Variants in SLC11A2 observed in about 807,000 individuals in gnomAD.
The protein encoded by SLC11A2 is natural resistance-associated macrophage protein 2.
In SLC11A2, 38 loss-of-function variants were observed where a neutral mutation model predicts 68.0. The ratio of observed to expected loss-of-function variants is 0.56; its 90% confidence interval spans 0.43 to 0.73. SLC11A2 has a LOEUF of 0.73. Among genes scored for constraint, SLC11A2 ranks in the 30% least tolerant of loss-of-function variants. SLC11A2 has a pLI of 0.00. For missense variants in SLC11A2, 517 were observed against 690.5 expected (o/e 0.75, Z 2.82); for synonymous variants, 242 against 250.6 (o/e 0.97, Z 0.32).
In SLC11A2 at chr12:50,991,580, C is replaced by T. The variant is rs768733470; in HGVS notation, c.1421+19G>A. 5.0e-5 allele frequency: 80 copies of T among 1,606,778 alleles called. No homozygotes were observed. In the South Asian group the frequency reaches 7.7e-4, roughly 16 times the overall value. Reference sequence around the variant, plus strand: ...CCCATATCAGCATCCCCTTTGGGAACGAAGAGGAGTACACTCACAGTCCAT... The same window carrying T: ...CCCATATCAGCATCCCCTTTGGGAATGAAGAGGAGTACACTCACAGTCCAT... On this transcript the variant is annotated intron_variant, in intron 14 of 15. Coordinates refer to ENST00000262052, the MANE Select transcript of SLC11A2 (RefSeq NM_000617.3).
downstream of SLC11A2, among the ~76,000 whole-genome samples, chr12:50,974,895 G>A (rs1260975360): frequency 1.3e-5 from 2 of 152,114 alleles, no homozygotes; most frequent in African/African-American, 2.4e-5. Context: ...GACAAAGAAG[G>A]CCATTACATA....
chr12:51,011,100 T>C (rs1156809004), intron 1 of SLC11A2, among the ~76,000 whole-genome samples: 2 of 150,964 alleles, frequency 1.3e-5, no homozygotes, highest in Non-Finnish European at 2.9e-5. Context: ...GAACAGGAGG[T>C]ATTTTAGTGA....
At chr12:50,959,812 T>TA in the SLC11A2 span, among the ~76,000 whole-genome samples, 5 of 152,034 alleles carry the variant, frequency 3.3e-5, no homozygotes, top group African/African-American at 1.2e-4. Flanking sequence ...CACGCCCGGC[T>TA]AATTTTTTTG....
downstream of SLC11A2, among the ~76,000 whole-genome samples, chr12:50,984,139 AAAAAG>A (rs796874577): frequency 2.0e-3 from 308 of 151,290 alleles, 1 homozygote; most frequent in African/African-American, 7.0e-3. Context: ...AGAAAAAAAA[AAAAAG>A]AAAATGCCAA....
Position 51,026,356 on chromosome 12 carries a change from C to G in SLC11A2, c.-85G>C. 7.8e-7 allele frequency: 1 copy of G among 1,282,394 alleles called. No homozygotes were observed. Among genetic ancestry groups the G allele is most frequent in the South Asian group, 1.2e-5 (1 of 80,690 alleles). 79.4% of individuals were successfully genotyped at this position (1,282,394 alleles called of 1,614,324 possible). ...TGACACGCCGCCCCCGCGCCCAGGG[C>G]TCCATATTCCGGGAGCCAGCGCCAC... is the stretch of plus-strand genomic sequence containing the variant. On this transcript the variant is annotated 5_prime_UTR_variant, in exon 1 of 16. Transcript: ENST00000262052.
chr12:50,980,916 A>G (rs1303032370), downstream of SLC11A2: 1 of 152,236 alleles, frequency 6.6e-6, no homozygotes, highest in Admixed American at 6.5e-5. Context: ...TGAATGCCAG[A>G]ATGAGCTGAG....
At position 50,987,510 on chromosome 12, in the gene SLC11A2, G is replaced by T. The variant is rs1308186229; in HGVS notation, c.*815C>A. ...CTGTTTCTATCACCACCCTCCTGGA[G>T]AAAGAAAGTTAAGGTTTTACAACCA... On this transcript the variant is annotated 3_prime_UTR_variant, in exon 16 of 16. Transcript: ENST00000262052. 7.8e-7 allele frequency: 1 copy of T among 1,287,142 alleles called. No individual in the cohort carries two copies. The highest frequency in any genetic ancestry group is 2.3e-5 in the Admixed American group (1 of 43,544). The allele number at this position is 1,287,142 out of a possible 1,614,324, so 79.7% of individuals were successfully genotyped here. A position where few individuals can be genotyped will look rare whatever the true frequency, so the allele number is the denominator to read the frequency against.
the SLC11A2 span, among the ~76,000 whole-genome samples, chr12:50,968,443 G>A: frequency 1.3e-5 from 2 of 152,056 alleles, no homozygotes; most frequent in Non-Finnish European, 2.9e-5. Flanking sequence ...CTGGCGTGCA[G>A]TGGCGTGATC....
At chr12:50,996,790 G>A in intron 9 of SLC11A2, 27 bp downstream of exon 9, 1 of 1,611,134 alleles carries the variant, frequency 6.2e-7, no homozygotes, top group Non-Finnish European at 8.5e-7. Context: ...CTGTCTAGGA[G>A]GTGAAGGAGA....
At position 50,986,721 on chromosome 12, in the gene SLC11A2, T is replaced by A; in HGVS notation, c.*1604A>T. The A allele has an allele frequency of 3.9e-6, 5 of 1,287,112 alleles. No individual in the cohort carries two copies. The highest frequency in any genetic ancestry group is 5.1e-6 in the Non-Finnish European group (5 of 988,650). 79.7% of individuals were successfully genotyped at this position (1,287,112 alleles called of 1,614,324 possible). On this transcript the variant is annotated 3_prime_UTR_variant, in exon 16 of 16. Coordinates refer to ENST00000262052, the MANE Select transcript of SLC11A2 (RefSeq NM_000617.3). ...AGAGGCAGATATGAAGAGGAATGGT[T>A]AGGGGAATTGTCATTCATAACTCTG...
chr12:50,986,251 T>C lies in SLC11A2; in HGVS notation c.*2074A>G. ...TTCCACATAAACACACTGTCAAAAC[T>C]CACTGGATATGCTGGAATTGGAGGA... On this transcript the variant is annotated 3_prime_UTR_variant, in exon 16 of 16. Transcript: ENST00000262052. 7.8e-7 allele frequency: 1 copy of C among 1,285,084 alleles called. No individual in the cohort carries two copies. Among genetic ancestry groups the C allele is most frequent in the Non-Finnish European group, 1.0e-6 (1 of 986,716 alleles). The allele number at this position is 1,285,084 out of a possible 1,614,324, so 79.6% of individuals were successfully genotyped here. A position where few individuals can be genotyped will look rare whatever the true frequency, so the allele number is the denominator to read the frequency against.
chr12:50,985,835 T>A (rs1940486896), downstream of SLC11A2, among the ~76,000 whole-genome samples: 1 of 152,206 alleles, frequency 6.6e-6, no homozygotes, highest in African/African-American at 2.4e-5. Context: ...ACTAAATCCA[T>A]TTATTTCTCT....
chr12:51,025,220 A>G (rs988887942), intron 1 of SLC11A2, among the ~76,000 whole-genome samples: 4 of 152,322 alleles, frequency 2.6e-5, no homozygotes, highest in African/African-American at 9.6e-5. Flanking sequence ...TGAGCAAAGA[A>G]TAAGTAATAA....
At chr12:50,961,077 A>AT in the SLC11A2 span, 2 of 1,613,850 alleles carry the variant, frequency 1.2e-6, no homozygotes, top group South Asian at 2.2e-5. Flanking sequence ...CTGCCCAAGG[A>AT]TTTGTTGTTG....
rs201248938 is a variant in SLC11A2, at chr12:50,991,584, G to C, written c.1421+15C>G. 28 of 1,609,400 alleles carry C rather than the reference G, an allele frequency of 1.7e-5. No homozygotes were observed. The highest frequency in any genetic ancestry group is 2.4e-5 in the Non-Finnish European group (28 of 1,176,032). ...TATCAGCATCCCCTTTGGGAACGAA[G>C]AGGAGTACACTCACAGTCCATTGGC... On this transcript the variant is annotated intron_variant, in intron 14 of 15. Transcript: ENST00000262052.
rs113749393 is a variant in SLC11A2, at chr12:51,005,530, C to G, written c.184-94G>C. 32 of 1,581,844 alleles carry G rather than the reference C, an allele frequency of 2.0e-5. No individual in the cohort carries two copies. In the African/African-American group the frequency reaches 2.7e-4, roughly 13 times the overall value. On this transcript the variant is annotated intron_variant, in intron 3 of 15. Coordinates refer to ENST00000262052, the MANE Select transcript of SLC11A2 (RefSeq NM_000617.3). ...TCACATATGAAGCAACAAAATCCAG[C>G]CTCACAAGAAAAAAGGATTTACAAT...
intron 2 of SLC11A2, chr12:51,009,002 A>G (rs1942982281): frequency 1.4e-6 from 1 of 713,912 alleles, no homozygotes; most frequent in Non-Finnish European, 2.4e-6. Context: ...ATGGGCTCAA[A>G]ATATCATATT....
downstream of SLC11A2, chr12:50,980,014 T>C (rs752014448): frequency 2.2e-6 from 1 of 448,838 alleles, no homozygotes; most frequent in South Asian, 1.6e-5. Context: ...TTACTTGAGC[T>C]CATGAGTTCA....
chr12:50,957,462 G>T, the SLC11A2 span, among the ~76,000 whole-genome samples: 1 of 151,590 alleles, frequency 6.6e-6, no homozygotes, highest in Non-Finnish European at 1.5e-5. Flanking sequence ...GCCTCCCAAA[G>T]TGCTGGGATT....
Sources: gnomAD v4.1 joint callset for allele counts (sites outside exome capture counted in the v4.1 genomes callset) on GRCh38, gnomAD v4.1.1 for gene constraint, MANE v1.5 for transcripts, NCBI Gene and HGNC (gene_info 2026-07-23, HGNC 2026-07-21) for gene names.